The following GPR50 variants were observed in gnomAD, a reference collection of about 807,000 sequenced individuals.
GPR50 encodes the protein melatonin-related receptor.
A neutral mutation model predicts 2.6 loss-of-function variants in GPR50; 1 was observed. The observed-to-expected ratio is 0.38, with a 90% confidence interval of 0.13 to 1.79. The LOEUF (loss-of-function observed/expected upper bound fraction) is 1.79. GPR50 is among the 40% of genes most tolerant of loss of function. GPR50 has a pLI of 0.33. For synonymous variants in GPR50, 233 were observed against 202.3 expected (o/e 1.15, Z -1.29); for missense variants, 535 against 522.1 (o/e 1.02, Z -0.24).
At chrX:151,178,734 C>T (rs2048694716) in intron 1 of GPR50, among the ~76,000 whole-genome samples, 1 of 112,319 alleles carries the variant, frequency 8.9e-6, no homozygotes, top group Non-Finnish European at 1.9e-5. Flanking sequence ...CAATATTTTG[C>T]CAAACCAATG....
downstream of GPR50, chrX:151,181,514 T>G: frequency 3.0e-6 from 2 of 663,415 alleles, no homozygotes; most frequent in Non-Finnish European, 4.6e-6. Flanking sequence ...GTGAGATGCC[T>G]TACTGCATCT....
rs1187647008 is a variant in GPR50, at chrX:151,180,385, G to A, written c.802G>A (p.Ala268Thr). The part of the protein sequence containing the change: ...VLVAVSPKEM[A>T]GKIPNWLYLA... ...GGTGGCTGTCAGTCCGAAGGAGATGGCAGGCAAGATCCCCAACTGGCTTTA... is the reference window on the plus strand; with the variant it reads ...GGTGGCTGTCAGTCCGAAGGAGATGACAGGCAAGATCCCCAACTGGCTTTA... The change falls in exon 2 of 2, where the codon GCA becomes ACA. Residue 268 changes from alanine to threonine, a missense_variant. By Grantham distance (58) the Ala-to-Thr change is moderately conservative. Coordinates refer to ENST00000218316, the MANE Select transcript of GPR50 (RefSeq NM_004224.3). 8.3e-7 allele frequency: 1 copy of A among 1,210,750 alleles called. No homozygotes were observed. The highest frequency in any genetic ancestry group is 1.1e-6 in the Non-Finnish European group (1 of 894,941).
Position 151,180,402 on chromosome X carries a change from C to T in GPR50, c.819C>T (p.Asn273=), listed in dbSNP as rs755686782. The T allele has an allele frequency of 1.2e-5, 15 of 1,209,335 alleles. No individual in the cohort carries two copies. Among genetic ancestry groups the T allele is most frequent in the Admixed American group, 8.7e-5 (4 of 45,803 alleles). Residue 273 remains asparagine (N), a synonymous_variant, in exon 2 of 2, where the codon AAC becomes AAT. Coordinates refer to ENST00000218316, the MANE Select transcript of GPR50 (RefSeq NM_004224.3). ...SPKEMAGKIP[N]WLYLAAYFIA... is the part of the protein sequence containing the mutation. ...AGGAGATGGCAGGCAAGATCCCCAA[C>T]TGGCTTTATCTTGCAGCCTACTTCA...
At position 151,176,818 on chromosome X, in the gene GPR50, T is replaced by G. The variant is rs1352646124; in HGVS notation, c.97T>G (p.Cys33Gly). 1.7e-6 allele frequency: 2 copies of G among 1,200,645 alleles called. No homozygotes were observed. Among genetic ancestry groups the G allele is most frequent in the South Asian group, 3.5e-5 (2 of 56,464 alleles). ...YPPALIIFMF[C>G]AMVITIVVDL... Reference sequence around the variant, plus strand: ...ACCGGCTCTAATCATCTTTATGTTCTGCGCGATGGTTATCACCATCGTTGT... The same window carrying G: ...ACCGGCTCTAATCATCTTTATGTTCGGCGCGATGGTTATCACCATCGTTGT... The change falls in exon 1 of 2, where the codon TGC becomes GGC. Residue 33 changes from cysteine (C) to glycine (G), a missense_variant. Coordinates refer to ENST00000218316, the MANE Select transcript of GPR50 (RefSeq NM_004224.3).
chrX:151,182,069 A>AT (rs930415504), downstream of GPR50, among the ~76,000 whole-genome samples: 12 of 112,823 alleles, frequency 1.1e-4, no homozygotes, highest in South Asian at 7.2e-4. Context: ...TTAAAAATAC[A>AT]TTTTTTATGC....
intron 1 of GPR50, 113 bp downstream of exon 1, chrX:151,177,021 A>T: frequency 1.9e-6 from 1 of 516,490 alleles, no homozygotes; most frequent in Non-Finnish European, 3.3e-6. Context: ...CATATTGAAC[A>T]TCCCTGCTCC....
rs1569566970 is a variant in GPR50 at position 151,181,209 on chromosome X, C to T, written c.1626C>T (p.Ser542=). The T allele has an allele frequency of 1.7e-6, 2 of 1,210,626 alleles. No individual in the cohort carries two copies. ...TAADNPELSA[S]HCPEIPAIAH... Reference sequence around the variant, plus strand: ...CTGACAACCCTGAGCTCTCTGCCTCCCATTGCCCCGAGATCCCTGCCATTG... The same window carrying T: ...CTGACAACCCTGAGCTCTCTGCCTCTCATTGCCCCGAGATCCCTGCCATTG... Residue 542 remains serine (S), a synonymous_variant, in exon 2 of 2, where the codon TCC becomes TCT. Transcript: ENST00000218316.
At chrX:151,178,810 C>CT (rs777076810) in intron 1 of GPR50, among the ~76,000 whole-genome samples, 3 of 112,514 alleles carry the variant, frequency 2.7e-5, no homozygotes, top group East Asian at 2.8e-4. Context: ...TCTTCCTTCT[C>CT]TTTTTTGTGA....
Position 151,176,751 on chromosome X carries a change from C to G in GPR50, c.30C>G (p.Pro10=), listed in dbSNP as rs755027331. 9.1e-6 allele frequency: 11 copies of G among 1,204,064 alleles called. No individual in the cohort carries two copies. The highest frequency in any genetic ancestry group is 3.0e-5 in the East Asian group (1 of 33,556). The change falls in exon 1 of 2, where the codon CCC becomes CCG. Residue 10 remains proline (P), a synonymous_variant. Coordinates refer to ENST00000218316, the MANE Select transcript of GPR50 (RefSeq NM_004224.3). MGPTLAVPT[P]YGCIGCKLPQ... is the part of the protein sequence containing the mutation. ...GGCCCACCCTAGCGGTTCCCACCCC[C>G]TATGGCTGTATTGGCTGTAAGCTAC...
rs747235781 is a variant in GPR50 at position 151,177,042 on chromosome X, G to A, written c.187+134G>A. 175 of 470,519 alleles carry A rather than the reference G, an allele frequency of 3.7e-4. 1 individual carries two copies. In the East Asian group the frequency reaches 6.0e-3, roughly 16 times the overall value. The allele number at this position is 470,519 out of a possible 1,213,427, so 38.8% of individuals were successfully genotyped here. A position where few individuals can be genotyped will look rare whatever the true frequency, so the allele number is the denominator to read the frequency against. On this transcript the variant is annotated intron_variant, in intron 1 of 1. Coordinates refer to ENST00000218316, the MANE Select transcript of GPR50 (RefSeq NM_004224.3). Reference sequence around the variant, plus strand: ...GAACATCCCTGCTCCCAAATTCCCCGCAAGCCTGGGGGTGGTAGTATTCTG... The same window carrying A: ...GAACATCCCTGCTCCCAAATTCCCCACAAGCCTGGGGGTGGTAGTATTCTG...
rs1042295670 is a variant in GPR50 at position 151,176,800 on chromosome X, C to G, written c.79C>G (p.Leu27Val). ...KLPQPEYPPA[L>V]IIFMFCAMVI... ...ACCCCAGCCAGAATACCCACCGGCT[C>G]TAATCATCTTTATGTTCTGCGCGAT... Residue 27 changes from leucine (L) to valine (V), a missense_variant, in exon 1 of 2, where the codon CTA (leucine) becomes GTA (valine). Leu to Val is a conservative substitution (Grantham distance 32, BLOSUM62 1). Coordinates refer to ENST00000218316, the MANE Select transcript of GPR50 (RefSeq NM_004224.3). The G allele has an allele frequency of 1.7e-5, 21 of 1,201,911 alleles. No homozygotes were observed. Among genetic ancestry groups the G allele is most frequent in the Middle Eastern group, 2.3e-4 (1 of 4,315 alleles).
rs996758386 is a variant in GPR50 at position 151,179,459 on chromosome X, C to T, written c.188-312C>T. Among the ~76,000 whole-genome samples, 12 of 110,032 alleles carry T rather than the reference C, an allele frequency of 1.1e-4. 1 individual carries two copies. The highest frequency in any genetic ancestry group is 9.3e-3 in the Middle Eastern group (2 of 215). ...CCTAAAAACAAGTCCCTCTAGCTCA[C>T]CTCTACTCCCCTCCTCCTTCTCCCT... On this transcript the variant is annotated intron_variant, in intron 1 of 1. Transcript: ENST00000218316.
In GPR50 at chrX:151,180,577, G is replaced by C. The variant is rs1275698711; in HGVS notation, c.994G>C (p.Ala332Pro). 1 of 1,210,575 alleles carries C rather than the reference G, an allele frequency of 8.3e-7. No homozygotes were observed. The highest frequency in any genetic ancestry group is 1.1e-6 in the Non-Finnish European group (1 of 894,860). The change falls in exon 2 of 2, where the codon GCC (alanine) becomes CCC (proline). Residue 332 changes from alanine to proline, a missense_variant. Ala to Pro is a conservative substitution (Grantham distance 27, BLOSUM62 -1). Transcript: ENST00000218316. Reference protein sequence around the residue: ...LISDIREMQEARTLARARAHA... With the variant: ...LISDIREMQEPRTLARARAHA... ...CAGTGATATTCGTGAGATGCAGGAG[G>C]CCCGTACCCTGGCCCGCGCCCGTGC... is the stretch of plus-strand genomic sequence containing the variant.
At chrX:151,177,134 A>T (rs1007142279) in intron 1 of GPR50, among the ~76,000 whole-genome samples, 1 of 112,611 alleles carries the variant, frequency 8.9e-6, no homozygotes, top group African/African-American at 3.2e-5. Context: ...TTGGGCATCC[A>T]AGTACAAAGC....
chrX:151,181,412 A>G lies in GPR50; in HGVS notation c.1829A>G (p.Asp610Gly), dbSNP rs763439576. The change falls in exon 2 of 2, where the codon GAT (aspartate) becomes GGT (glycine). Residue 610 changes from aspartate to glycine, a missense_variant. Asp to Gly is a moderately conservative substitution (Grantham distance 94). Coordinates refer to ENST00000218316, the MANE Select transcript of GPR50 (RefSeq NM_004224.3). Reference sequence around the variant, plus strand: ...GATGTCGTGGTTATTGATGTTGAAGATGATCCTGATGAAATGGCTGTGTGA... The same window carrying G: ...GATGTCGTGGTTATTGATGTTGAAGGTGATCCTGATGAAATGGCTGTGTGA... ...YHDVVVIDVE[D>G]DPDEMAV The G allele has an allele frequency of 2.8e-5, 33 of 1,179,644 alleles. No individual in the cohort carries two copies. Among genetic ancestry groups the G allele is most frequent in the Non-Finnish European group, 3.8e-5 (33 of 878,616 alleles).
Position 151,181,323 on chromosome X carries a change from G to T in GPR50, c.1740G>T (p.Glu580Asp). The T allele has an allele frequency of 8.3e-7, 1 of 1,209,321 alleles. No homozygotes were observed. Among genetic ancestry groups the T allele is most frequent in the Non-Finnish European group, 1.1e-6 (1 of 893,375 alleles). ...GPTKPAASQL[E>D]SDTIADLPDP... ...CCAAGCCTGCTGCCAGCCAGCTGGA[G>T]TCTGACACCATCGCTGACCTTCCTG... Residue 580 changes from glutamate to aspartate, a missense_variant, in exon 2 of 2, where the codon GAG becomes GAT. By Grantham distance (45) the Glu-to-Asp change is conservative. Transcript: ENST00000218316.
Position 151,181,253 on chromosome X carries a change from A to G in GPR50, c.1670A>G (p.Asp557Gly). Residue 557 changes from aspartate to glycine, a missense_variant, in exon 2 of 2, where the codon GAC becomes GGC. Asp to Gly is a moderately conservative substitution (Grantham distance 94). Transcript: ENST00000218316. ...IPAIAHPVSD[D>G]SDLPESASSP... ...GCCATTGCCCACCCTGTGTCTGACG[A>G]CAGTGACCTCCCTGAGTCGGCCTCT... The G allele has an allele frequency of 8.3e-7, 1 of 1,210,570 alleles. No individual in the cohort carries two copies. The highest frequency in any genetic ancestry group is 1.7e-5 in the African/African-American group (1 of 57,683).
At position 151,180,996 on chromosome X, in the gene GPR50, C is replaced by G; in HGVS notation, c.1413C>G (p.Ser471=). 8.3e-7 allele frequency: 1 copy of G among 1,211,228 alleles called. No individual in the cohort carries two copies. Among genetic ancestry groups the G allele is most frequent in the Non-Finnish European group, 1.1e-6 (1 of 895,210 alleles). ...ACTCTGTTCATTTCAAGCCTGCTTC[C>G]AGCAACCCCAAGCCCATCACTGGCC... ...KPDSVHFKPA[S]SNPKPITGHH... The change falls in exon 2 of 2, where the codon TCC becomes TCG. Residue 471 remains serine, a synonymous_variant. Transcript: ENST00000218316.
At chrX:151,178,017 G>A (rs1312187995) in intron 1 of GPR50, among the ~76,000 whole-genome samples, 1 of 110,822 alleles carries the variant, frequency 9.0e-6, no homozygotes, top group Non-Finnish European at 1.9e-5. Context: ...CTGGAAGGGA[G>A]GGGAAGGGGC....
Sources: gnomAD v4.1 joint callset for allele counts (sites outside exome capture counted in the v4.1 genomes callset) on GRCh38, gnomAD v4.1.1 for gene constraint, MANE v1.5 for transcripts, NCBI Gene and HGNC (gene_info 2026-07-23, HGNC 2026-07-21) for gene names.